The following AUTS2 variants were observed in gnomAD, a reference collection of about 807,000 sequenced individuals.
The protein encoded by AUTS2 is autism susceptibility gene 2 protein.
Under a neutral mutation model 112.4 loss-of-function variants are expected in AUTS2, and 17 were observed. That is an observed-to-expected ratio of 0.15 (90% confidence interval 0.10 to 0.23). AUTS2 has a LOEUF of 0.23. Among genes scored for constraint, AUTS2 ranks in the 10% least tolerant of loss-of-function variants. The pLI, the probability that AUTS2 is intolerant of heterozygous loss-of-function variation, is 1.00. For synonymous variants in AUTS2, 751 were observed against 702.7 expected (o/e 1.07, Z -1.09); for missense variants, 1,510 against 1,701.6 (o/e 0.89, Z 1.98).
At chr7:70,187,027 G>C (rs1400502312) in intron 4 of AUTS2, among the ~76,000 whole-genome samples, 1 of 152,218 alleles carries the variant, frequency 6.6e-6, no homozygotes, top group Non-Finnish European at 1.5e-5. Flanking sequence ...GATTCAAACT[G>C]AGGTATTCTG....
At chr7:70,266,290 CA>C (rs1356543416) in intron 4 of AUTS2, among the ~76,000 whole-genome samples, 1 of 152,136 alleles carries the variant, frequency 6.6e-6, no homozygotes, top group African/African-American at 2.4e-5. Flanking sequence ...AGCCAGACAC[CA>C]AACGGCACAT....
At chr7:70,150,306 A>T (rs1257969734) in intron 4 of AUTS2, among the ~76,000 whole-genome samples, 1 of 152,160 alleles carries the variant, frequency 6.6e-6, no homozygotes, top group African/African-American at 2.4e-5. Context: ...CATCTGAGGT[A>T]GGAAAATATT....
intron 1 of AUTS2, among the ~76,000 whole-genome samples, chr7:69,687,359 TGTGTG>T (rs777410559): frequency 5.9e-5 from 9 of 152,322 alleles, no homozygotes; most frequent in Non-Finnish European, 1.0e-4. Flanking sequence ...TAACTGTTGG[TGTGTG>T]TAAGTGCAAG....
chr7:69,922,412 A>C (rs1434943896), intron 2 of AUTS2, among the ~76,000 whole-genome samples: 1 of 152,210 alleles, frequency 6.6e-6, no homozygotes, highest in Non-Finnish European at 1.5e-5. Context: ...GATTGACTTC[A>C]CCAAAGCCTC....
chr7:70,577,570 T>C (rs1453145672), intron 5 of AUTS2, among the ~76,000 whole-genome samples: 1 of 152,170 alleles, frequency 6.6e-6, no homozygotes, highest in Non-Finnish European at 1.5e-5. Flanking sequence ...GCTACTTAAT[T>C]GATAAATTGA....
chr7:69,815,954 T>C (rs1323259168), intron 1 of AUTS2, among the ~76,000 whole-genome samples: 1 of 152,222 alleles, frequency 6.6e-6, no homozygotes, highest in Non-Finnish European at 1.5e-5. Flanking sequence ...GACTTCCTGT[T>C]GGAAGCAGTA....
intron 1 of AUTS2, 51 bp downstream of exon 1, chr7:69,600,013 G>A (rs1275180867): frequency 5.1e-6 from 8 of 1,581,502 alleles, no homozygotes; most frequent in Non-Finnish European, 6.1e-6. Flanking sequence ...GACCCCACTC[G>A]GCTGCGCCCG....
chr7:70,616,110 A>G (rs1322710161), intron 5 of AUTS2, among the ~76,000 whole-genome samples: 2 of 152,230 alleles, frequency 1.3e-5, no homozygotes, highest in South Asian at 2.1e-4. Context: ...AAAAGGTGCA[A>G]ATGAATTAGC....
intron 5 of AUTS2, among the ~76,000 whole-genome samples, chr7:70,472,118 G>A (rs146535264): frequency 1.1e-4 from 16 of 152,264 alleles, no homozygotes; most frequent in East Asian, 9.6e-4. Flanking sequence ...ACTTAAAACC[G>A]TAGAGAATAA....
intron 5 of AUTS2, among the ~76,000 whole-genome samples, chr7:70,573,672 T>G (rs2129526150): frequency 6.6e-6 from 1 of 152,334 alleles, no homozygotes; most frequent in Admixed American, 6.5e-5. Context: ...TTTTAGAGCA[T>G]TCGCTTTGCT....
intron 5 of AUTS2, among the ~76,000 whole-genome samples, chr7:70,678,122 G>A (rs1808018289): frequency 6.6e-6 from 1 of 152,012 alleles, no homozygotes; most frequent in African/African-American, 2.4e-5. Context: ...ATTTTAGTAG[G>A]TTCTACCTTC....
At chr7:70,123,358 A>T (rs1805790626) in intron 3 of AUTS2, among the ~76,000 whole-genome samples, 1 of 152,164 alleles carries the variant, frequency 6.6e-6, no homozygotes, top group African/African-American at 2.4e-5. Flanking sequence ...TTTGTAATAT[A>T]GGTAAACTCA....
chr7:70,442,423 T>C lies in AUTS2; in HGVS notation c.690+6642T>C, dbSNP rs117368325. ...TTTCTCATACAATATATCTAAGCCA[T>C]TTATAAGTTTCCTAACTTATAAATA... On this transcript the variant is annotated intron_variant, in intron 5 of 18. Transcript: ENST00000342771. 6.5e-4 allele frequency among the ~76,000 whole-genome samples: 99 copies of C among 152,314 alleles called. No homozygotes were observed. In the East Asian group the frequency reaches 0.018, roughly 28 times the overall value.
At chr7:69,930,692 A>T (rs1796194003) in intron 2 of AUTS2, among the ~76,000 whole-genome samples, 1 of 152,188 alleles carries the variant, frequency 6.6e-6, no homozygotes, top group African/African-American at 2.4e-5. Flanking sequence ...AGCCAAGCTC[A>T]AGACCATAAT....
rs879854103 is a variant in AUTS2 at position 69,746,039 on chromosome 7, AT to A, written c.309+146090del. On this transcript the variant is annotated intron_variant, in intron 1 of 18. Coordinates refer to ENST00000342771, the MANE Select transcript of AUTS2 (RefSeq NM_015570.4). The stretch of plus-strand genomic sequence containing the variant: ...CAGGCGTGCCTCGCTAATTAAAAGA[AT>A]TTTTTTTTTTTTAATTTAGAGACAC... Among the ~76,000 whole-genome samples the A allele has an allele frequency of 6.3e-3, 927 of 146,250 alleles. 8 individuals are homozygous for A. Among genetic ancestry groups the A allele is most frequent in the Non-Finnish European group, 9.9e-3 (656 of 65,960 alleles).
At chr7:70,517,519 C>T (rs560131742) in intron 5 of AUTS2, among the ~76,000 whole-genome samples, 3 of 49,676 alleles carry the variant, frequency 6.0e-5, no homozygotes, top group African/African-American at 2.4e-4. Context: ...TGTATATACA[C>T]ATATATACAA....
intron 5 of AUTS2, chr7:70,436,216 T>C (rs1225828313): frequency 1.9e-5 from 3 of 158,176 alleles, no homozygotes; most frequent in African/African-American, 7.2e-5. Context: ...TTGATAGAAA[T>C]GTTAATGGTC....
chr7:70,135,394 T>C (rs1182551308), intron 4 of AUTS2, among the ~76,000 whole-genome samples: 1 of 152,220 alleles, frequency 6.6e-6, no homozygotes, highest in Admixed American at 6.5e-5. Context: ...ATTGGTGTTC[T>C]GAGTGATGAA....
chr7:70,610,887 C>T (rs1424924180), intron 5 of AUTS2, among the ~76,000 whole-genome samples: 1 of 151,300 alleles, frequency 6.6e-6, no homozygotes, highest in East Asian at 2.0e-4. Context: ...TGGATATTAA[C>T]CCCTTATCAG....
Sources: allele counts gnomAD v4.1 joint callset (sites outside exome capture counted in the v4.1 genomes callset), GRCh38; gene constraint gnomAD v4.1.1; transcripts MANE v1.5; gene names NCBI Gene and HGNC (gene_info 2026-07-23, HGNC 2026-07-21).